The following POMC variants were observed in gnomAD, a reference collection of about 807,000 sequenced individuals.
The protein encoded by POMC is proopiomelanocortin.
Under a neutral mutation model 18.5 loss-of-function variants are expected in POMC, and 19 were observed. That is an observed-to-expected ratio of 1.03 (90% CI 0.72 to 1.51). POMC has a LOEUF of 1.51. POMC is among the 40% of genes most tolerant of loss of function. The pLI, the probability that POMC is intolerant of heterozygous loss-of-function variation, is 0.00. For missense variants in POMC, 451 were observed against 379.0 expected (o/e 1.19, Z -1.58); for synonymous variants, 179 against 161.9 (o/e 1.11, Z -0.80).
rs1367466355 is a variant in POMC, at chr2:25,168,558, T to A, written c.-81A>T. 1 of 152,276 alleles carries A rather than the reference T, an allele frequency of 6.6e-6. No individual in the cohort carries two copies. Among genetic ancestry groups the A allele is most frequent in the Non-Finnish European group, 1.5e-5 (1 of 68,148 alleles). The allele number at this position is 152,276 out of a possible 1,614,324, so 9.4% of individuals were successfully genotyped here. A position where few individuals can be genotyped will look rare whatever the true frequency, so the allele number is the denominator to read the frequency against. On this transcript the variant is annotated 5_prime_UTR_variant, in exon 1 of 3. Transcript: ENST00000395826. This position sits in a 1 kb window ranked among gnomAD's most constrained non-coding sequence, Gnocchi z 5.2. ...CTCGGCGGCCTCTCTCGGTCGCGGC[T>A]CTTCTTCCCCTCCTTCGCCGCCGCT...
rs764834306 is a variant in POMC at position 25,161,558 on chromosome 2, C to G, written c.327G>C (p.Ala109=). 60 of 1,571,866 alleles carry G rather than the reference C, an allele frequency of 3.8e-5. No homozygotes were observed. Among genetic ancestry groups the G allele is most frequent in the Non-Finnish European group, 4.7e-5 (54 of 1,158,950 alleles). ...GAGQKREDVS[A]GEDCGPLPEG... ...CAGGCAGCGGGCCGCAGTCTTCGCCCGCTGAGACGTCCTCGCGCTTCTGCC... is the reference window on the plus strand; with the variant it reads ...CAGGCAGCGGGCCGCAGTCTTCGCCGGCTGAGACGTCCTCGCGCTTCTGCC... The change falls in exon 3 of 3, where the codon GCG becomes GCC. Residue 109 remains alanine, a synonymous_variant. Transcript: ENST00000395826. The surrounding 1 kb of genome is among the most constrained non-coding windows in gnomAD (Gnocchi z 5.7).
intron 2 of POMC, among the ~76,000 whole-genome samples, chr2:25,162,850 G>A (rs1671439471): frequency 6.6e-6 from 1 of 152,176 alleles, no homozygotes; most frequent in African/African-American, 2.4e-5. Flanking sequence ...CACGACTTCT[G>A]AGCTGATTTC....
Position 25,161,636 on chromosome 2 carries a change from G to A in POMC, c.249C>T (p.Arg83=). The A allele has an allele frequency of 6.4e-7, 1 of 1,553,740 alleles. No homozygotes were observed. The highest frequency in any genetic ancestry group is 8.7e-7 in the Non-Finnish European group (1 of 1,149,048). Residue 83 remains arginine, a synonymous_variant, in exon 3 of 3, where the codon CGC becomes CGT. Coordinates refer to ENST00000395826, the MANE Select transcript of POMC (RefSeq NM_000939.4). This position sits in a 1 kb window ranked among gnomAD's most constrained non-coding sequence, Gnocchi z 5.7. ...NPRKYVMGHF[R]WDRFGRRNSS... ...TGTTGCGGCGGCCGAATCGGTCCCA[G>A]CGGAAGTGGCCCATGACGTACTTCC...
At chr2:25,167,735 C>T (rs781669338) in intron 1 of POMC, among the ~76,000 whole-genome samples, 3 of 152,174 alleles carry the variant, frequency 2.0e-5, no homozygotes, top group Non-Finnish European at 2.9e-5. Flanking sequence ...GAAGGCAGGG[C>T]GTTCATTATG....
Position 25,161,575 on chromosome 2 carries a change from G to T in POMC, c.310C>A (p.Arg104Ser). The T allele has an allele frequency of 6.5e-7, 1 of 1,547,450 alleles. No homozygotes were observed. Residue 104 changes from arginine to serine, a missense_variant, in exon 3 of 3, where the codon CGC (arginine) becomes AGC (serine). Physicochemically the swap from Arg to Ser is moderately radical, Grantham distance 110 (BLOSUM62 -1). Transcript: ENST00000395826. This position sits in a 1 kb window ranked among gnomAD's most constrained non-coding sequence, Gnocchi z 5.7. ...TCTTCGCCCGCTGAGACGTCCTCGC[G>T]CTTCTGCCCTGCGCCGCTGCTGCCG... is the stretch of plus-strand genomic sequence containing the variant. ...SSGSSGAGQK[R>S]EDVSAGEDCG...
In POMC at chr2:25,160,898, A is replaced by C. The variant is rs1023909825; in HGVS notation, c.*183T>G. The C allele has an allele frequency of 1.0e-6, 1 of 972,484 alleles. No homozygotes were observed. The highest frequency in any genetic ancestry group is 1.6e-5 in the African/African-American group (1 of 60,794). 60.2% of individuals were successfully genotyped at this position (972,484 alleles called of 1,614,324 possible). On this transcript the variant is annotated 3_prime_UTR_variant, in exon 3 of 3. Transcript: ENST00000395826. ...TATTTTTACTTTATTCACACAGTTTACATTCAAAGTCAGAGGTGGATGTGA... is the reference window on the plus strand; with the variant it reads ...TATTTTTACTTTATTCACACAGTTTCCATTCAAAGTCAGAGGTGGATGTGA...
At chr2:25,164,429 T>C (rs1671486797) in intron 2 of POMC, among the ~76,000 whole-genome samples, 1 of 152,156 alleles carries the variant, frequency 6.6e-6, no homozygotes, top group Non-Finnish European at 1.5e-5. Context: ...CAAGCAGAAA[T>C]TGTGGACTCA....
intron 1 of POMC, among the ~76,000 whole-genome samples, chr2:25,167,857 C>T (rs1671608370): frequency 6.6e-6 from 1 of 152,170 alleles, no homozygotes; most frequent in Non-Finnish European, 1.5e-5. Context: ...GCAAGAGATA[C>T]TAAAAGACCG....
intron 1 of POMC, among the ~76,000 whole-genome samples, chr2:25,167,889 C>T (rs1471934679): frequency 6.6e-6 from 1 of 152,170 alleles, no homozygotes; most frequent in Non-Finnish European, 1.5e-5. Flanking sequence ...GGCGGTGGCT[C>T]GCGCCTGTAA....
chr2:25,162,311 G>A (rs545187661), intron 2 of POMC, among the ~76,000 whole-genome samples: 1 of 152,248 alleles, frequency 6.6e-6, no homozygotes, highest in African/African-American at 2.4e-5. Flanking sequence ...TAAGCTGGGT[G>A]TGGTGGCGGG....
At chr2:25,163,996 C>T (rs897950861) in intron 2 of POMC, among the ~76,000 whole-genome samples, 36 of 152,118 alleles carry the variant, frequency 2.4e-4, no homozygotes, top group Non-Finnish European at 3.7e-4. Flanking sequence ...CACACACACA[C>T]CCCCCACAGG....
chr2:25,163,977 C>G (rs1168065972), intron 2 of POMC, among the ~76,000 whole-genome samples: 1 of 151,858 alleles, frequency 6.6e-6, no homozygotes, highest in African/African-American at 2.4e-5. Context: ...TTATGCCCCC[C>G]AACACACACA....
At chr2:25,164,837 A>T in intron 1 of POMC, 45 bp from the exon 2 acceptor site, 1 of 1,606,646 alleles carries the variant, frequency 6.2e-7, no homozygotes, top group South Asian at 1.1e-5. Flanking sequence ...AAGGAGCAAA[A>T]CAATGTTGGC....
chr2:25,160,880 A>T lies in POMC; in HGVS notation c.*201T>A. On this transcript the variant is annotated 3_prime_UTR_variant, in exon 3 of 3. Coordinates refer to ENST00000395826, the MANE Select transcript of POMC (RefSeq NM_000939.4). ...TGTTATTTGACGGCTACGTATTTTT[A>T]CTTTATTCACACAGTTTACATTCAA... The T allele has an allele frequency of 2.3e-6, 2 of 868,058 alleles. No homozygotes were observed. Among genetic ancestry groups the T allele is most frequent in the Non-Finnish European group, 1.7e-6 (1 of 582,932 alleles). The allele number at this position is 868,058 out of a possible 1,614,324, so 53.8% of individuals were successfully genotyped here. A position where few individuals can be genotyped will look rare whatever the true frequency, so the allele number is the denominator to read the frequency against.
chr2:25,164,818 G>A (rs1671503346), intron 1 of POMC, 26 bp from the exon 2 acceptor site: 3 of 1,611,674 alleles, frequency 1.9e-6, no homozygotes, highest in Non-Finnish European at 2.5e-6. Flanking sequence ...AGATTGGTGG[G>A]ACCCCTGCAA....
At chr2:25,166,955 A>G (rs1671576818) in intron 1 of POMC, among the ~76,000 whole-genome samples, 1 of 152,246 alleles carries the variant, frequency 6.6e-6, no homozygotes, top group Non-Finnish European at 1.5e-5. Flanking sequence ...TTAAGTAGGG[A>G]AAGTATTATA....
At position 25,161,923 on chromosome 2, in the gene POMC, CCTG is replaced by C. The variant is rs543314307; in HGVS notation, c.133-174_133-172del. Among the ~76,000 whole-genome samples the C allele has an allele frequency of 1.9e-3, 291 of 152,334 alleles. 3 individuals carry two copies. The highest frequency in any genetic ancestry group is 6.5e-3 in the African/African-American group (270 of 41,596). On this transcript the variant is annotated intron_variant, in intron 2 of 2. Transcript: ENST00000395826. This position sits in a 1 kb window ranked among gnomAD's most constrained non-coding sequence, Gnocchi z 5.7. ...CCTCCCTACAGAGCAGGTCTGCCCA[CCTG>C]CTTTCTTGGCACTCGTGGGCATCTA... is the stretch of plus-strand genomic sequence containing the variant.
intron 2 of POMC, among the ~76,000 whole-genome samples, chr2:25,163,973 C>CAAA (rs1558630085): frequency 2.3e-4 from 35 of 151,930 alleles, no homozygotes; most frequent in Middle Eastern, 3.4e-3. Context: ...TCATTTATGC[C>CAAA]CCCCAACACA....
chr2:25,162,696 G>A lies in POMC; in HGVS notation c.133-944C>T, dbSNP rs139799313. ...TGCACTCCAGCCTGGGTGATAGAGC[G>A]AGACTCCGTCTCAAAAAAATAAATA... is the stretch of plus-strand genomic sequence containing the variant. On this transcript the variant is annotated intron_variant, in intron 2 of 2. Transcript: ENST00000395826. 7.9e-3 allele frequency among the ~76,000 whole-genome samples: 1,206 copies of A among 151,846 alleles called. 18 individuals carry two copies. Among genetic ancestry groups the A allele is most frequent in the African/African-American group, 0.027 (1,100 of 41,420 alleles).
Sources: allele counts gnomAD v4.1 joint callset (sites outside exome capture counted in the v4.1 genomes callset), GRCh38; gene constraint gnomAD v4.1.1; non-coding constraint Gnocchi (gnomAD v3.1); transcripts MANE v1.5; gene names NCBI Gene and HGNC (gene_info 2026-07-23, HGNC 2026-07-21).